WDFY4: variants seen among roughly 807,000 people sequenced by gnomAD.
The protein encoded by WDFY4 is WDFY family member 4, also known as WD repeat- and FYVE domain-containing protein 4.
WDFY4 carries 169 observed loss-of-function variants against 351.9 expected under a neutral mutation model. The observed-to-expected ratio is 0.48, with a 90% CI of 0.42 to 0.55. The LOEUF (loss-of-function observed/expected upper bound fraction) is 0.55, where lower values mean the gene tolerates loss of function less well. Ranked by LOEUF, WDFY4 falls within the 20% of genes least tolerant of loss-of-function variation. The pLI, the probability that WDFY4 is intolerant of heterozygous loss-of-function variation, is 0.00. For synonymous variants in WDFY4, 1,622 were observed against 1,574.6 expected (o/e 1.03, Z -0.71); for missense variants, 3,803 against 3,935.6 (o/e 0.97, Z 0.90).
chr10:48,778,379 T>A (rs1293764367), intron 17 of WDFY4, among the ~76,000 whole-genome samples: 2 of 152,230 alleles, frequency 1.3e-5, no homozygotes, highest in Non-Finnish European at 2.9e-5. Context: ...GCACACTGCC[T>A]GGCTATAGAT....
chr10:48,908,655 T>C (rs1837756008), intron 47 of WDFY4, among the ~76,000 whole-genome samples: 1 of 152,064 alleles, frequency 6.6e-6, no homozygotes, highest in African/African-American at 2.4e-5. Flanking sequence ...TATTTCAAAA[T>C]ATTGATTCAC....
intron 44 of WDFY4, among the ~76,000 whole-genome samples, chr10:48,893,219 A>T (rs1186248862): frequency 1.3e-5 from 2 of 152,144 alleles, no homozygotes; most frequent in Non-Finnish European, 2.9e-5. Context: ...CTGTGTGTCT[A>T]TCTCCGTGTC....
intron 32 of WDFY4, among the ~76,000 whole-genome samples, chr10:48,818,589 G>T (rs556707415): frequency 7.2e-5 from 11 of 152,156 alleles, no homozygotes; most frequent in African/African-American, 2.7e-4. Context: ...AACTTCATGC[G>T]ATTAACAAGA....
intron 47 of WDFY4, chr10:48,909,916 G>A (rs1303828990): frequency 3.1e-6 from 1 of 322,486 alleles, no homozygotes; most frequent in African/African-American, 2.1e-5. Context: ...AAATGTAGAG[G>A]CAGTAAGCCT....
chr10:48,830,644 C>T (rs1589709799), intron 37 of WDFY4, 56 bp from the exon 38 acceptor site: 1 of 1,516,290 alleles, frequency 6.6e-7, no homozygotes, highest in Non-Finnish European at 8.9e-7. Context: ...TCTCCCAGCC[C>T]TCTCTGGGAG....
At chr10:48,926,494 C>A (rs971182562) in intron 47 of WDFY4, among the ~76,000 whole-genome samples, 2 of 152,278 alleles carry the variant, frequency 1.3e-5, no homozygotes, top group South Asian at 4.1e-4. Context: ...AGAGAGGCAG[C>A]CTTAGCCAAA....
rs57288777 is a variant in WDFY4, at chr10:48,800,730, C to CTT, written c.4411-2542_4411-2541dup. ...TCTTTCTTTCTTTCTTTCATTCTTT[C>CTT]TTTTTTTTTTTTTTTGTTTTGAGAT... On this transcript the variant is annotated intron_variant, in intron 24 of 61. Coordinates refer to ENST00000325239, the MANE Select transcript of WDFY4 (RefSeq NM_001394531.1). Among the ~76,000 whole-genome samples the CTT allele has an allele frequency of 8.8e-3, 817 of 92,740 alleles. 28 individuals are homozygous for CTT. The highest frequency in any genetic ancestry group is 0.024 in the African/African-American group (511 of 21,112). The allele number at this position is 92,740 out of a possible 152,430, so 60.8% of individuals were successfully genotyped here. A position where few individuals can be genotyped will look rare whatever the true frequency, so the allele number is the denominator to read the frequency against.
chr10:48,688,966 T>C (rs1422978225), intron 1 of WDFY4, among the ~76,000 whole-genome samples: 2 of 152,176 alleles, frequency 1.3e-5, no homozygotes, highest in African/African-American at 4.8e-5. Context: ...AGCAGAAATA[T>C]GAGTTTGGTC....
intron 47 of WDFY4, among the ~76,000 whole-genome samples, chr10:48,938,180 A>G (rs970117603): frequency 2.6e-5 from 4 of 152,186 alleles, no homozygotes; most frequent in Non-Finnish European, 4.4e-5. Flanking sequence ...TGTCCTCAAA[A>G]CTGTTTTTGC....
At chr10:48,912,076 G>A (rs1052359706) in intron 47 of WDFY4, among the ~76,000 whole-genome samples, 1 of 152,170 alleles carries the variant, frequency 6.6e-6, no homozygotes, top group South Asian at 2.1e-4. Context: ...CTCCCTCAAG[G>A]TATCATTCTT....
intron 44 of WDFY4, among the ~76,000 whole-genome samples, chr10:48,892,984 T>C (rs12249647): frequency 0.013 from 1,987 of 152,260 alleles, 35 homozygotes; most frequent in African/African-American, 0.045. Context: ...AACAAACAAA[T>C]GCACACACAC....
intron 39 of WDFY4, among the ~76,000 whole-genome samples, chr10:48,844,302 T>C (rs1455896210): frequency 1.3e-5 from 2 of 152,206 alleles, no homozygotes; most frequent in Middle Eastern, 3.4e-3. Context: ...AAGAAAGCAC[T>C]GAGTCCAGGC....
At chr10:48,830,248 C>T (rs1379426892) in intron 37 of WDFY4, among the ~76,000 whole-genome samples, 5 of 152,140 alleles carry the variant, frequency 3.3e-5, no homozygotes, top group Non-Finnish European at 2.9e-5. Context: ...CCGTGAGCCA[C>T]AGGATAGTCT....
intron 47 of WDFY4, among the ~76,000 whole-genome samples, chr10:48,922,950 C>T (rs1201824013): frequency 6.6e-6 from 1 of 152,110 alleles, no homozygotes; most frequent in African/African-American, 2.4e-5. Flanking sequence ...ACTGCCTGCA[C>T]CCTGACAGTG....
intron 53 of WDFY4, among the ~76,000 whole-genome samples, chr10:48,962,258 G>A (rs139873137): frequency 1.5e-3 from 235 of 152,252 alleles, no homozygotes; most frequent in Non-Finnish European, 2.5e-3. Context: ...ATTACCCCTC[G>A]TATGACATGA....
rs200757429 is a variant in WDFY4 at position 48,802,777 on chromosome 10, C to T, written c.4411-509C>T. On this transcript the variant is annotated intron_variant, in intron 24 of 61. Coordinates refer to ENST00000325239, the MANE Select transcript of WDFY4 (RefSeq NM_001394531.1). The stretch of plus-strand genomic sequence containing the variant: ...TTTGGGCTGAAGAATGTGTTGCCTG[C>T]GCAAATTGGGTATGTAGTCAGTACA... The T allele has an allele frequency of 6.1e-5, 29 of 471,638 alleles. 1 individual carries two copies. The highest frequency in any genetic ancestry group is 3.4e-4 in the South Asian group (22 of 64,574). The allele number at this position is 471,638 out of a possible 1,614,324, so 29.2% of individuals were successfully genotyped here. A position where few individuals can be genotyped will look rare whatever the true frequency, so the allele number is the denominator to read the frequency against.
chr10:48,949,059 T>A lies in WDFY4; in HGVS notation c.7977+2090T>A, dbSNP rs138898835. Among the ~76,000 whole-genome samples the A allele has an allele frequency of 2.6e-3, 396 of 152,300 alleles. 2 individuals carry two copies. Among genetic ancestry groups the A allele is most frequent in the Non-Finnish European group, 2.6e-3 (178 of 68,022 alleles). ...GATGGTCTAAACCCATGTGAGAGGGTCACAACCAATTGTCCATGCTTTTAG... is the reference window on the plus strand; with the variant it reads ...GATGGTCTAAACCCATGTGAGAGGGACACAACCAATTGTCCATGCTTTTAG... On this transcript the variant is annotated intron_variant, in intron 51 of 61. Coordinates refer to ENST00000325239, the MANE Select transcript of WDFY4 (RefSeq NM_001394531.1).
intron 47 of WDFY4, among the ~76,000 whole-genome samples, chr10:48,926,264 C>T (rs1839564935): frequency 6.6e-6 from 1 of 152,198 alleles, no homozygotes; most frequent in Non-Finnish European, 1.5e-5. Flanking sequence ...GGCCCCAGGC[C>T]CCAGGAAGGG....
At chr10:48,847,636 G>A (rs1034023392) in intron 39 of WDFY4, among the ~76,000 whole-genome samples, 6 of 152,286 alleles carry the variant, frequency 3.9e-5, no homozygotes, top group African/African-American at 1.4e-4. Context: ...CCAGCGTGGC[G>A]ACACCTCCCA....
Sources: gnomAD v4.1 joint callset for allele counts (sites outside exome capture counted in the v4.1 genomes callset) on GRCh38, gnomAD v4.1.1 for gene constraint, MANE v1.5 for transcripts, NCBI Gene and HGNC (gene_info 2026-07-23, HGNC 2026-07-21) for gene names.